Variants in KASH5 observed in about 807,000 individuals in gnomAD.
KASH5 encodes the protein KASH domain containing 5.
In KASH5, 72 loss-of-function variants were observed where a neutral mutation model predicts 84.2. The ratio of observed to expected loss-of-function variants is 0.85; its 90% CI spans 0.71 to 1.04. The LOEUF (loss-of-function observed/expected upper bound fraction) is 1.04, where lower values mean the gene tolerates loss of function less well. Ranked by LOEUF, KASH5 falls within the 50% of genes least tolerant of loss-of-function variation. KASH5 has a pLI of 0.00. For synonymous variants in KASH5, 260 were observed against 279.1 expected (o/e 0.93, Z 0.68); for missense variants, 650 against 701.0 (o/e 0.93, Z 0.82).
chr19:49,390,041 C>G (rs772858277), intron 1 of KASH5: 3 of 152,530 alleles, frequency 2.0e-5, no homozygotes, highest in Non-Finnish European at 4.4e-5. Flanking sequence ...CAATGCCACT[C>G]TAGCCTGAGG....
In KASH5 at chr19:49,390,881, C is replaced by G. The variant is rs759012822; in HGVS notation, c.-3C>G. On this transcript the variant is annotated 5_prime_UTR_variant, in exon 2 of 20. Coordinates refer to ENST00000447857, the MANE Select transcript of KASH5 (RefSeq NM_144688.5). ...AGCAGCTGCGCCGCGGCAGGGGTGG[C>G]CCATGGACCTGCCCGAGGGCCCGGT... is the stretch of plus-strand genomic sequence containing the variant. 1 of 1,596,978 alleles carries G rather than the reference C, an allele frequency of 6.3e-7. No homozygotes were observed.
At chr19:49,408,268 C>G (rs1974596338) in intron 12 of KASH5, 1 of 162,866 alleles carries the variant, frequency 6.1e-6, no homozygotes, top group African/African-American at 2.4e-5. Flanking sequence ...CCTGTCTCTG[C>G]CTCTAGGTCT....
intron 15 of KASH5, among the ~76,000 whole-genome samples, chr19:49,410,580 T>A (rs1974679386): frequency 6.6e-6 from 1 of 150,468 alleles, no homozygotes; most frequent in South Asian, 2.1e-4. Flanking sequence ...ACCTCCCAGG[T>A]TCAAGCAGTT....
Position 49,399,267 on chromosome 19 carries a change from C to A in KASH5, c.747+125C>A, listed in dbSNP as rs1304948062. On this transcript the variant is annotated intron_variant, in intron 8 of 19. Transcript: ENST00000447857. The surrounding 1 kb of genome is among the most constrained non-coding windows in gnomAD (Gnocchi z 4.4). The stretch of plus-strand genomic sequence containing the variant: ...ACCTGGCTTTCTCCCTCTCTCCAGG[C>A]CCTGCTCACCCTAGACTTTTTCAAG... 1.6e-5 allele frequency: 15 copies of A among 947,078 alleles called. No individual in the cohort carries two copies. Among genetic ancestry groups the A allele is most frequent in the Non-Finnish European group, 2.4e-5 (15 of 631,116 alleles). 58.7% of individuals were successfully genotyped at this position (947,078 alleles called of 1,614,324 possible).
chr19:49,396,253 T>TGA (rs1974176390), intron 5 of KASH5, among the ~76,000 whole-genome samples: 1 of 113,764 alleles, frequency 8.8e-6, no homozygotes, highest in Non-Finnish European at 1.8e-5. Flanking sequence ...CTTTTTTTTT[T>TGA]TTTTTTTTTT....
chr19:49,417,502 C>G lies in KASH5; in HGVS notation c.1681C>G (p.Pro561Ala). 6.5e-7 allele frequency: 1 copy of G among 1,539,584 alleles called. No individual in the cohort carries two copies. ...CCAGCTCTGCTACCTCCAGCCCCCT[C>G]CAGTGTGAGAGGCTCTACTTGCCCC... is the stretch of plus-strand genomic sequence containing the variant. ...HLQLCYLQPP[P>A]V The change falls in exon 20 of 20, where the codon CCA becomes GCA. Residue 561 changes from proline (P) to alanine (A), a missense_variant. By Grantham distance (27) the Pro-to-Ala change is conservative (BLOSUM62 -1). Transcript: ENST00000447857. This position sits in a 1 kb window ranked among gnomAD's most constrained non-coding sequence, Gnocchi z 5.2.
chr19:49,400,073 A>G (rs964616967), intron 9 of KASH5, among the ~76,000 whole-genome samples: 4 of 152,056 alleles, frequency 2.6e-5, no homozygotes, highest in African/African-American at 9.7e-5. Flanking sequence ...TACAAAAAAT[A>G]GAAAAATAAG....
chr19:49,404,841 C>G (rs1232501484), intron 9 of KASH5, among the ~76,000 whole-genome samples: 2 of 152,138 alleles, frequency 1.3e-5, no homozygotes, highest in Non-Finnish European at 2.9e-5. Context: ...CCCAATCTTG[C>G]CAAGAAATTG....
chr19:49,392,850 T>TG (rs1974045368), intron 2 of KASH5, among the ~76,000 whole-genome samples: 1 of 150,806 alleles, frequency 6.6e-6, no homozygotes, highest in Non-Finnish European at 1.5e-5. Flanking sequence ...AGGCAGAAGT[T>TG]GCAGTGAGCG....
At chr19:49,401,276 C>G (rs1017286419) in intron 9 of KASH5, among the ~76,000 whole-genome samples, 2 of 152,164 alleles carry the variant, frequency 1.3e-5, no homozygotes, top group Non-Finnish European at 2.9e-5. Flanking sequence ...CCTCATTTCC[C>G]CAGGCCAGGG....
chr19:49,411,213 C>T (rs116707016), intron 15 of KASH5, among the ~76,000 whole-genome samples: 1,609 of 152,190 alleles, frequency 0.011, 21 homozygotes, highest in African/African-American at 0.037. Flanking sequence ...GCTGGGATTA[C>T]AGGCATGAGC....
rs1230038296 is a variant in KASH5 at position 49,399,606 on chromosome 19, G to T, written c.798+99G>T. ...CCCCAACACCCCAGCAGCCTGTCTTGGGGAGACCTCAGAATGTCAGTAGTG... is the reference window on the plus strand; with the variant it reads ...CCCCAACACCCCAGCAGCCTGTCTTTGGGAGACCTCAGAATGTCAGTAGTG... On this transcript the variant is annotated intron_variant, in intron 9 of 19. Coordinates refer to ENST00000447857, the MANE Select transcript of KASH5 (RefSeq NM_144688.5). This position sits in a 1 kb window ranked among gnomAD's most constrained non-coding sequence, Gnocchi z 4.4. 1 of 1,548,216 alleles carries T rather than the reference G, an allele frequency of 6.5e-7. No individual in the cohort carries two copies. Among genetic ancestry groups the T allele is most frequent in the Admixed American group, 2.0e-5 (1 of 50,874 alleles).
rs574658662 is a variant in KASH5, at chr19:49,401,383, C to T, written c.798+1876C>T. On this transcript the variant is annotated intron_variant, in intron 9 of 19. Coordinates refer to ENST00000447857, the MANE Select transcript of KASH5 (RefSeq NM_144688.5). ...CTGAGCTGTTAGCAAAGTCCCTGTC[C>T]GTCACTCATTTCCCTGAAGGATCCC... is the stretch of plus-strand genomic sequence containing the variant. 1.1e-4 allele frequency among the ~76,000 whole-genome samples: 17 copies of T among 152,286 alleles called. No individual in the cohort carries two copies. In the South Asian group the frequency reaches 2.9e-3, roughly 26 times the overall value.
chr19:49,416,824 G>A lies in KASH5; in HGVS notation c.1375-191G>A, dbSNP rs1397863012. 1.3e-5 allele frequency among the ~76,000 whole-genome samples: 2 copies of A among 151,682 alleles called. No individual in the cohort carries two copies. Among genetic ancestry groups the A allele is most frequent in the East Asian group, 1.9e-4 (1 of 5,184 alleles). ...GATGGGGAAAGAGCGGCACGGAGAGGTGTGGTGACATGCCAAGGACCCTCA... is the reference window on the plus strand; with the variant it reads ...GATGGGGAAAGAGCGGCACGGAGAGATGTGGTGACATGCCAAGGACCCTCA... On this transcript the variant is annotated intron_variant, in intron 17 of 19. Transcript: ENST00000447857. The surrounding 1 kb of genome is among the most constrained non-coding windows in gnomAD (Gnocchi z 5.4).
At position 49,417,455 on chromosome 19, in the gene KASH5, C is replaced by T; in HGVS notation, c.1634C>T (p.Pro545Leu). Reference protein sequence around the residue: ...LLSVLLLGPSPPPTWPHLQLC... With the variant: ...LLSVLLLGPSLPPTWPHLQLC... ...TCTGTCCTGCTGCTTGGCCCGTCCC[C>T]ACCTCCCACCTGGCCCCACCTCCAG... The change falls in exon 20 of 20, where the codon CCA becomes CTA. Residue 545 changes from proline (P) to leucine (L), a missense_variant. By Grantham distance (98) the Pro-to-Leu change is moderately conservative. Coordinates refer to ENST00000447857, the MANE Select transcript of KASH5 (RefSeq NM_144688.5). This position sits in a 1 kb window ranked among gnomAD's most constrained non-coding sequence, Gnocchi z 5.2. 4 of 1,554,644 alleles carry T rather than the reference C, an allele frequency of 2.6e-6. No individual in the cohort carries two copies. The highest frequency in any genetic ancestry group is 3.5e-6 in the Non-Finnish European group (4 of 1,149,304).
At chr19:49,408,374 T>C (rs1260885160) in intron 12 of KASH5, 1 of 155,140 alleles carries the variant, frequency 6.4e-6, no homozygotes, top group Non-Finnish European at 1.4e-5. Context: ...TGTGAGTCTG[T>C]TTCCATCTAT....
Position 49,399,466 on chromosome 19 carries a change from C to A in KASH5, c.757C>A (p.Gln253Lys), listed in dbSNP as rs1974290948. 1.2e-6 allele frequency: 2 copies of A among 1,611,328 alleles called. No homozygotes were observed. Among genetic ancestry groups the A allele is most frequent in the East Asian group, 4.5e-5 (2 of 44,834 alleles). Residue 253 changes from glutamine (Q) to lysine (K), a missense_variant, in exon 9 of 20, where the codon CAG becomes AAG. Physicochemically the swap from Gln to Lys is moderately conservative, Grantham distance 53 (BLOSUM62 1). Transcript: ENST00000447857. The surrounding 1 kb of genome is among the most constrained non-coding windows in gnomAD (Gnocchi z 4.4). ...LAQARQAEKE[Q>K]QHLVAEMETL... The stretch of plus-strand genomic sequence containing the variant: ...CTCTGGGGTTGGTCAGGAAAAGGAG[C>A]AGCAGCATCTGGTGGCTGAGATGGA...
At chr19:49,389,259 A>G (rs1194370774) in intron 1 of KASH5, among the ~76,000 whole-genome samples, 1 of 136,648 alleles carries the variant, frequency 7.3e-6, no homozygotes, top group African/African-American at 2.7e-5. Context: ...ATCCAGCCAG[A>G]GACCCCTGAA....
chr19:49,390,809 C>A lies in KASH5; in HGVS notation c.-75C>A, dbSNP rs924793135. 1.3e-6 allele frequency: 2 copies of A among 1,502,352 alleles called. No homozygotes were observed. The highest frequency in any genetic ancestry group is 2.4e-5 in the East Asian group (1 of 41,032). 93.1% of individuals were successfully genotyped at this position (1,502,352 alleles called of 1,614,324 possible). ...TCCAGGAGTGCTCGGGCCAGCTGGT[C>A]CTTTTCCCATCCCTCCCCATGAAGG... On this transcript the variant is annotated 5_prime_UTR_variant, in exon 2 of 20. Transcript: ENST00000447857.
Sources: gnomAD v4.1 joint callset for allele counts (sites outside exome capture counted in the v4.1 genomes callset) on GRCh38, gnomAD v4.1.1 for gene constraint, Gnocchi (gnomAD v3.1) non-coding constraint, MANE v1.5 for transcripts, NCBI Gene and HGNC (gene_info 2026-07-23, HGNC 2026-07-21) for gene names.